INSR: variants seen among roughly 807,000 people sequenced by gnomAD.
INSR encodes insulin receptor, also known as IR.
INSR carries 67 observed loss-of-function variants against 142.6 expected under a neutral mutation model. The ratio of observed to expected loss-of-function variants is 0.47; its 90% CI spans 0.39 to 0.58. INSR has a LOEUF of 0.58. Ranked by LOEUF, INSR falls within the 20% of genes least tolerant of loss-of-function variation. The probability of loss-of-function intolerance (pLI) is 0.00; values close to 1 mark genes in which losing one functional copy is unlikely to be tolerated. For synonymous variants in INSR, 756 were observed against 743.1 expected (o/e 1.02, Z -0.28); for missense variants, 1,248 against 1,833.2 (o/e 0.68, Z 5.83).
intron 13 of INSR, among the ~76,000 whole-genome samples, chr19:7,138,902 C>T (rs1973002196): frequency 6.6e-6 from 1 of 152,132 alleles, no homozygotes; most frequent in Non-Finnish European, 1.5e-5. Context: ...TTATGGCCCC[C>T]AGGGAATCAT....
chr19:7,116,769 G>T lies in INSR; in HGVS notation c.*287C>A. ...TCTTTCCATCTGCTGGGGGCGGGTG[G>T]GGGGAACGAAAAAACACAAAATCCT... On this transcript the variant is annotated 3_prime_UTR_variant, in exon 22 of 22. Coordinates refer to ENST00000302850, the MANE Select transcript of INSR (RefSeq NM_000208.4). The T allele has an allele frequency of 8.4e-6, 2 of 237,826 alleles. No homozygotes were observed. Among genetic ancestry groups the T allele is most frequent in the Non-Finnish European group, 7.3e-6 (1 of 137,342 alleles). 14.7% of individuals were successfully genotyped at this position (237,826 alleles called of 1,614,324 possible). A position where few individuals can be genotyped will look rare whatever the true frequency, so the allele number is the denominator to read the frequency against.
At chr19:7,284,779 C>T (rs1478924062) in intron 1 of INSR, among the ~76,000 whole-genome samples, 2 of 152,144 alleles carry the variant, frequency 1.3e-5, no homozygotes, top group African/African-American at 4.8e-5. Context: ...CCACTCGCCT[C>T]GGACTCCCAA....
At position 7,197,516 on chromosome 19, in the gene INSR, G is replaced by GTGTGTGTGTGTGTGTGTGTGTGTGTGT. The variant is rs1568480264; in HGVS notation, c.653-12880_653-12879insACACACACACACACACACACACACACA. The stretch of plus-strand genomic sequence containing the variant: ...TGGCAGGTTCCAGAGTGGGAGTGGG[G>GTGTGTGTGTGTGTGTGTGTGTGTGTGT]GTGTGTGTGTGTGTGTGTGTGTGTG... On this transcript the variant is annotated intron_variant, in intron 2 of 21. Coordinates refer to ENST00000302850, the MANE Select transcript of INSR (RefSeq NM_000208.4). Among the ~76,000 whole-genome samples the GTGTGTGTGTGTGTGTGTGTGTGTGTGT allele has an allele frequency of 1.5e-3, 105 of 70,924 alleles. 20 individuals carry two copies. Among genetic ancestry groups the GTGTGTGTGTGTGTGTGTGTGTGTGTGT allele is most frequent in the Non-Finnish European group, 2.0e-3 (72 of 35,634 alleles). The allele number at this position is 70,924 out of a possible 152,430, so 46.5% of individuals were successfully genotyped here. A position where few individuals can be genotyped will look rare whatever the true frequency, so the allele number is the denominator to read the frequency against.
chr19:7,154,098 T>C (rs951322636), intron 9 of INSR, among the ~76,000 whole-genome samples: 3 of 150,114 alleles, frequency 2.0e-5, no homozygotes, highest in Non-Finnish European at 4.4e-5. Flanking sequence ...GAGGTGGAGG[T>C]TGCAGTGAGC....
In INSR at chr19:7,180,533, A is replaced by G. The variant is rs565484284; in HGVS notation, c.974+3783T>C. 8.8e-4 allele frequency among the ~76,000 whole-genome samples: 130 copies of G among 147,304 alleles called. 1 individual carries two copies. The highest frequency in any genetic ancestry group is 3.3e-3 in the African/African-American group (125 of 38,014). ...TGACAGACCAAGACCTTGTCTCAAA[A>G]AAAAAAAAAAAAGACAAAAATATCA... On this transcript the variant is annotated intron_variant, in intron 3 of 21. Transcript: ENST00000302850.
chr19:7,143,215 G>C, intron 11 of INSR, 125 bp from the exon 12 acceptor site: 1 of 1,035,744 alleles, frequency 9.7e-7, no homozygotes, highest in Non-Finnish European at 1.5e-6. Context: ...CAGCAATGGG[G>C]AACATGGATT....
In INSR at chr19:7,113,738, C is replaced by A. The variant is rs1191469574; in HGVS notation, c.*3318G>T. On this transcript the variant is annotated 3_prime_UTR_variant, in exon 22 of 22. Coordinates refer to ENST00000302850, the MANE Select transcript of INSR (RefSeq NM_000208.4). ...CAAAGTTTTATTGTTACAAAGTCAA[C>A]ATTTCCTAATGTCAAAGGAGGTTTG... is the stretch of plus-strand genomic sequence containing the variant. The A allele has an allele frequency of 1.3e-5, 2 of 152,164 alleles. No homozygotes were observed. The highest frequency in any genetic ancestry group is 3.8e-4 in the East Asian group (2 of 5,196). The allele number at this position is 152,164 out of a possible 1,614,324, so 9.4% of individuals were successfully genotyped here.
chr19:7,210,997 A>C (rs1975258190), intron 2 of INSR, among the ~76,000 whole-genome samples: 2 of 152,158 alleles, frequency 1.3e-5, no homozygotes, highest in Admixed American at 1.3e-4. Flanking sequence ...CTGGGATTAC[A>C]GGTGTTGATC....
At chr19:7,256,225 G>C (rs1976886991) in intron 2 of INSR, among the ~76,000 whole-genome samples, 1 of 152,150 alleles carries the variant, frequency 6.6e-6, no homozygotes, top group Non-Finnish European at 1.5e-5. Flanking sequence ...ATCACCTGAG[G>C]TCAGGAGTTC....
At chr19:7,145,613 C>G (rs1266811426) in intron 11 of INSR, among the ~76,000 whole-genome samples, 1 of 152,196 alleles carries the variant, frequency 6.6e-6, no homozygotes, top group East Asian at 1.9e-4. Context: ...ACTACTCTGT[C>G]ATTGTAGCTT....
chr19:7,210,340 CAAAAAAAA>C (rs11342133), intron 2 of INSR, among the ~76,000 whole-genome samples: 1 of 109,816 alleles, frequency 9.1e-6, no homozygotes, highest in Non-Finnish European at 2.0e-5. Context: ...GACTCTGTCT[CAAAAAAAA>C]AAAAAAAAAA....
At chr19:7,161,511 A>G (rs1440745688) in intron 9 of INSR, among the ~76,000 whole-genome samples, 1 of 152,130 alleles carries the variant, frequency 6.6e-6, no homozygotes, top group Non-Finnish European at 1.5e-5. Context: ...TGGCCTCCCA[A>G]TGTGCTGGGA....
At chr19:7,201,059 A>C (rs1308050257) in intron 2 of INSR, among the ~76,000 whole-genome samples, 4 of 152,124 alleles carry the variant, frequency 2.6e-5, no homozygotes, top group African/African-American at 4.8e-5. Context: ...CATTTTATGC[A>C]ATTAAGTACA....
At chr19:7,257,491 A>G (rs932254392) in intron 2 of INSR, among the ~76,000 whole-genome samples, 5 of 149,730 alleles carry the variant, frequency 3.3e-5, no homozygotes, top group Non-Finnish European at 7.4e-5. Context: ...CTTGCCTTGT[A>G]CATATACTGC....
chr19:7,139,601 T>C (rs1451432025), intron 13 of INSR, among the ~76,000 whole-genome samples: 1 of 152,178 alleles, frequency 6.6e-6, no homozygotes, highest in African/African-American at 2.4e-5. Context: ...TAAGGAATTT[T>C]ATTTTAAAAA....
At chr19:7,291,602 A>G (rs1003848887) in intron 1 of INSR, among the ~76,000 whole-genome samples, 1 of 152,198 alleles carries the variant, frequency 6.6e-6, no homozygotes, top group Non-Finnish European at 1.5e-5. Context: ...GCAACGGTGA[A>G]CAACAACAAA....
intron 2 of INSR, among the ~76,000 whole-genome samples, chr19:7,246,449 A>G (rs1231446251): frequency 6.6e-6 from 1 of 152,218 alleles, no homozygotes; most frequent in Admixed American, 6.5e-5. Context: ...GAGTGAGGCC[A>G]TGCTAGACCA....
At chr19:7,191,002 T>G (rs1974567915) in intron 2 of INSR, among the ~76,000 whole-genome samples, 1 of 152,040 alleles carries the variant, frequency 6.6e-6, no homozygotes, top group Non-Finnish European at 1.5e-5. Context: ...TTTGTCAATT[T>G]TAAAAAAATA....
chr19:7,269,354 A>G (rs913327966), intron 1 of INSR, among the ~76,000 whole-genome samples: 6 of 146,680 alleles, frequency 4.1e-5, no homozygotes, highest in Middle Eastern at 3.8e-3. Context: ...CATGCAGCAA[A>G]TGGATTAGGC....
Sources: allele counts gnomAD v4.1 joint callset (sites outside exome capture counted in the v4.1 genomes callset), GRCh38; gene constraint gnomAD v4.1.1; transcripts MANE v1.5; gene names NCBI Gene and HGNC (gene_info 2026-07-23, HGNC 2026-07-21).